MECOM: variants seen among roughly 807,000 people sequenced by gnomAD.
MECOM encodes histone-lysine N-methyltransferase MECOM.
Under a neutral mutation model 116.3 loss-of-function variants are expected in MECOM, and 13 were observed. The ratio of observed to expected loss-of-function variants is 0.11; its 90% CI spans 0.07 to 0.18. The LOEUF (loss-of-function observed/expected upper bound fraction) is 0.18. Ranked by LOEUF, MECOM falls within the 10% of genes least tolerant of loss-of-function variation. MECOM has a pLI of 1.00. For missense variants in MECOM, 1,299 were observed against 1,509.0 expected (o/e 0.86, Z 2.31); for synonymous variants, 528 against 535.2 (o/e 0.99, Z 0.19).
chr3:169,494,991 T>G (rs1214914126), intron 1 of MECOM, among the ~76,000 whole-genome samples: 4 of 152,186 alleles, frequency 2.6e-5, no homozygotes. Flanking sequence ...TTCCCTGTTG[T>G]AGGCTAGATC....
intron 5 of MECOM, among the ~76,000 whole-genome samples, chr3:169,126,596 C>T (rs984304363): frequency 2.0e-5 from 3 of 151,946 alleles, no homozygotes. Flanking sequence ...TCTGGGAAAG[C>T]CCTCTTGTTC....
intron 2 of MECOM, among the ~76,000 whole-genome samples, chr3:169,321,656 G>T (rs1316091056): frequency 6.6e-6 from 1 of 152,174 alleles, no homozygotes; most frequent in Non-Finnish European, 1.5e-5. Context: ...ACTCTTCAGG[G>T]AGATGGAATG....
intron 1 of MECOM, among the ~76,000 whole-genome samples, chr3:169,393,090 G>A (rs1478587137): frequency 1.3e-5 from 2 of 152,086 alleles, no homozygotes; most frequent in African/African-American, 2.4e-5. Context: ...GGGCCCAGAA[G>A]TTCTATTGTG....
intron 12 of MECOM, 81 bp downstream of exon 12, chr3:169,100,804 T>C (rs992829840): frequency 5.5e-5 from 44 of 806,970 alleles, no homozygotes; most frequent in Non-Finnish European, 6.9e-5. Flanking sequence ...TATTATAAAC[T>C]TTAATTATTA....
chr3:169,216,762 T>A (rs180773489), intron 2 of MECOM, among the ~76,000 whole-genome samples: 9 of 152,180 alleles, frequency 5.9e-5, no homozygotes, highest in Admixed American at 3.9e-4. Flanking sequence ...GAAAATGCAA[T>A]CTTAATTTTG....
Position 169,131,457 on chromosome 3 carries a change from G to T in MECOM, c.585C>A (p.Pro195=). 1 of 1,613,994 alleles carries T rather than the reference G, an allele frequency of 6.2e-7. No homozygotes were observed. Among genetic ancestry groups the T allele is most frequent in the Non-Finnish European group, 8.5e-7 (1 of 1,179,988 alleles). ...GGATATCCGGCGCCATAGTTTCATGGGGATAGTCTTCGCTCTTCATGAACA... is the reference window on the plus strand; with the variant it reads ...GGATATCCGGCGCCATAGTTTCATGTGGATAGTCTTCGCTCTTCATGAACA... ...LLLFMKSEDY[P]HETMAPDIHE... is the part of the protein sequence containing the mutation. Residue 195 remains proline (P), a synonymous_variant, in exon 4 of 17, where the codon CCC becomes CCA. Coordinates refer to ENST00000651503, the MANE Select transcript of MECOM (RefSeq NM_004991.4).
intron 1 of MECOM, among the ~76,000 whole-genome samples, chr3:169,421,047 C>T (rs759467339): frequency 7.9e-5 from 12 of 151,976 alleles, no homozygotes; most frequent in South Asian, 2.1e-4. Flanking sequence ...ACTACATCTC[C>T]GATGAAGTCA....
chr3:169,124,410 GC>G (rs1732110880), intron 5 of MECOM, among the ~76,000 whole-genome samples: 1 of 152,126 alleles, frequency 6.6e-6, no homozygotes, highest in Admixed American at 6.5e-5. Context: ...GAAAGAGACT[GC>G]CCTCTGGGGG....
In MECOM at chr3:169,127,884, C is replaced by T; in HGVS notation, c.790G>A (p.Glu264Lys). The T allele has an allele frequency of 6.2e-7, 1 of 1,614,012 alleles. No individual in the cohort carries two copies. The highest frequency in any genetic ancestry group is 1.3e-5 in the African/African-American group (1 of 75,032). ...NDLQEIHTIQ[E>K]CKECDQVFPD... is the part of the protein sequence containing the mutation. ...AAAACTTGGTCACATTCCTTACACT[C>T]CTGGATCGTGTGTATCTCTTGGAGA... Residue 264 changes from glutamate to lysine, a missense_variant, in exon 5 of 17, where the codon GAG (glutamate) becomes AAG (lysine). Glu to Lys is a moderately conservative substitution (Grantham distance 56, BLOSUM62 1). Transcript: ENST00000651503.
intron 1 of MECOM, among the ~76,000 whole-genome samples, chr3:169,386,674 T>A (rs1003030770): frequency 1.3e-5 from 2 of 152,156 alleles, no homozygotes; most frequent in African/African-American, 4.8e-5. Context: ...TTTTCTGATA[T>A]CATAAATATC....
At chr3:169,546,517 T>C (rs1318325481) in intron 1 of MECOM, among the ~76,000 whole-genome samples, 1 of 152,216 alleles carries the variant, frequency 6.6e-6, no homozygotes, top group Non-Finnish European at 1.5e-5. Context: ...TGGTCCAATG[T>C]ACACATCTGA....
At chr3:169,398,401 A>G (rs372389353) in intron 1 of MECOM, among the ~76,000 whole-genome samples, 10 of 152,152 alleles carry the variant, frequency 6.6e-5, no homozygotes, top group East Asian at 3.8e-4. Context: ...CATATCATAC[A>G]CTTGTTCATG....
intron 1 of MECOM, among the ~76,000 whole-genome samples, chr3:169,430,247 G>A (rs887228361): frequency 1.3e-5 from 2 of 152,052 alleles, no homozygotes; most frequent in Admixed American, 1.3e-4. Flanking sequence ...ACTTTTGCCT[G>A]TCCTAGCTAC....
At chr3:169,332,556 C>T (rs561111894) in intron 2 of MECOM, among the ~76,000 whole-genome samples, 5 of 152,132 alleles carry the variant, frequency 3.3e-5, no homozygotes, top group South Asian at 2.1e-4. Context: ...TGTCTTGGTA[C>T]GTACATGGTT....
At chr3:169,491,338 G>A (rs1753068877) in intron 1 of MECOM, among the ~76,000 whole-genome samples, 1 of 152,104 alleles carries the variant, frequency 6.6e-6, no homozygotes, top group Non-Finnish European at 1.5e-5. Flanking sequence ...TTTCCTCCAG[G>A]TCTCATGAGT....
intron 2 of MECOM, among the ~76,000 whole-genome samples, chr3:169,212,695 G>T (rs1750927095): frequency 9.2e-6 from 1 of 108,768 alleles, no homozygotes; most frequent in African/African-American, 3.4e-5. Flanking sequence ...TGCAACAAAA[G>T]TACACTGGCT....
chr3:169,557,925 A>G (rs956613777), intron 1 of MECOM, among the ~76,000 whole-genome samples: 7 of 152,252 alleles, frequency 4.6e-5, no homozygotes, highest in African/African-American at 1.7e-4. Context: ...AATAACAAAC[A>G]GATATGTACT....
chr3:169,542,758 A>T (rs531003542), intron 1 of MECOM, among the ~76,000 whole-genome samples: 2 of 152,310 alleles, frequency 1.3e-5, no homozygotes, highest in East Asian at 1.9e-4. Context: ...GACAACTAGC[A>T]GGAAAAAAAA....
intron 1 of MECOM, among the ~76,000 whole-genome samples, chr3:169,517,981 C>T (rs1175313215): frequency 2.6e-5 from 4 of 152,130 alleles, no homozygotes; most frequent in East Asian, 1.9e-4. Flanking sequence ...TTGACAGGGC[C>T]GGGCGCTATG....
Sources: allele counts gnomAD v4.1 joint callset (sites outside exome capture counted in the v4.1 genomes callset), GRCh38; gene constraint gnomAD v4.1.1; transcripts MANE v1.5; gene names NCBI Gene and HGNC (gene_info 2026-07-23, HGNC 2026-07-21).